Variants in PLCH1 observed in about 807,000 individuals in gnomAD.
PLCH1 encodes phospholipase C eta 1.
In PLCH1, 60 loss-of-function variants were observed where a neutral mutation model predicts 126.7. The observed-to-expected ratio is 0.47, with a 90% CI of 0.38 to 0.59. The LOEUF (loss-of-function observed/expected upper bound fraction) is 0.59, where lower values mean the gene tolerates loss of function less well. Ranked by LOEUF, PLCH1 falls within the 20% of genes least tolerant of loss-of-function variation. The probability of loss-of-function intolerance (pLI) is 0.00; values close to 1 mark genes in which losing one functional copy is unlikely to be tolerated. For missense variants in PLCH1, 1,723 were observed against 2,040.0 expected (o/e 0.84, Z 2.99); for synonymous variants, 719 against 734.9 (o/e 0.98, Z 0.35).
At chr3:155,519,859 A>G (rs1432625806) in intron 11 of PLCH1, among the ~76,000 whole-genome samples, 1 of 150,674 alleles carries the variant, frequency 6.6e-6, no homozygotes, top group African/African-American at 2.4e-5. Context: ...TCCTTTGGCT[A>G]AAGTCCAAAG....
chr3:155,700,967 T>C (rs1188053349), intron 2 of PLCH1, among the ~76,000 whole-genome samples: 2 of 152,206 alleles, frequency 1.3e-5, no homozygotes, highest in African/African-American at 2.4e-5. Context: ...GCTTCTCTGA[T>C]AGGTGCAAAT....
intron 10 of PLCH1, among the ~76,000 whole-genome samples, chr3:155,547,586 C>A (rs1374768628): frequency 1.3e-5 from 2 of 152,044 alleles, no homozygotes; most frequent in Non-Finnish European, 2.9e-5. Context: ...AAGACACATG[C>A]ACATGTATGT....
At chr3:155,568,189 C>T (rs1168309675) in intron 7 of PLCH1, 42 bp downstream of exon 7, 1 of 878,242 alleles carries the variant, frequency 1.1e-6, no homozygotes, top group Admixed American at 2.0e-5. Flanking sequence ...ACTTAACAGG[C>T]TGAATCAAGA....
At position 155,481,354 on chromosome 3, in the gene PLCH1, C is replaced by T. The variant is rs1230871271; in HGVS notation, c.4672G>A (p.Asp1558Asn). 1.2e-6 allele frequency: 2 copies of T among 1,614,226 alleles called. No homozygotes were observed. Among genetic ancestry groups the T allele is most frequent in the Non-Finnish European group, 1.7e-6 (2 of 1,180,046 alleles). Reference protein sequence around the residue: ...DNCQVLYSKQDANQLPRALVR... With the variant: ...DNCQVLYSKQNANQLPRALVR... ...AGTGCCCGGGGGAGCTGATTGGCAT[C>T]CTGCTTTGAATATAGCACTTGGCAG... Residue 1558 changes from aspartate (D) to asparagine (N), a missense_variant, in exon 23 of 23, where the codon GAT (aspartate) becomes AAT (asparagine). Coordinates refer to ENST00000460012, the MANE Select transcript of PLCH1 (RefSeq NM_014996.4). This position sits in a 1 kb window ranked among gnomAD's most constrained non-coding sequence, Gnocchi z 4.2.
intron 2 of PLCH1, among the ~76,000 whole-genome samples, chr3:155,678,325 G>A (rs965739666): frequency 5.3e-5 from 8 of 152,166 alleles, no homozygotes; most frequent in Non-Finnish European, 7.3e-5. Flanking sequence ...CTGGGGCACC[G>A]TTGAGGGCCA....
At chr3:155,611,279 C>A (rs989231307) in intron 2 of PLCH1, among the ~76,000 whole-genome samples, 2 of 152,040 alleles carry the variant, frequency 1.3e-5, no homozygotes, top group African/African-American at 4.8e-5. Flanking sequence ...ATCCCAGCTA[C>A]TCAGGAGGCT....
intron 2 of PLCH1, among the ~76,000 whole-genome samples, chr3:155,632,999 A>G (rs1024469260): frequency 6.6e-6 from 1 of 152,132 alleles, no homozygotes; most frequent in Non-Finnish European, 1.5e-5. Context: ...TCAGTGGTTG[A>G]CCATAACGTA....
At chr3:155,636,592 C>CA (rs964432453) in intron 2 of PLCH1, among the ~76,000 whole-genome samples, 1 of 151,734 alleles carries the variant, frequency 6.6e-6, no homozygotes, top group East Asian at 1.9e-4. Flanking sequence ...ACTAAAAATA[C>CA]AAAAAAATAG....
intron 9 of PLCH1, among the ~76,000 whole-genome samples, chr3:155,553,585 G>A (rs562698877): frequency 6.6e-6 from 1 of 152,274 alleles, no homozygotes; most frequent in African/African-American, 2.4e-5. Context: ...GAGAAGCAAC[G>A]AGAGCAATGG....
intron 1 of PLCH1, among the ~76,000 whole-genome samples, chr3:155,734,854 A>G (rs971428293): frequency 2.8e-4 from 42 of 151,748 alleles, no homozygotes; most frequent in Middle Eastern, 3.4e-3. Flanking sequence ...GACTACAGGC[A>G]CCCGCCACCA....
chr3:155,512,791 G>A (rs1438455935), intron 12 of PLCH1, among the ~76,000 whole-genome samples: 5 of 152,200 alleles, frequency 3.3e-5, no homozygotes, highest in Admixed American at 3.3e-4. Flanking sequence ...GAGGAGCCCT[G>A]AGATGGTTGA....
intron 1 of PLCH1, among the ~76,000 whole-genome samples, chr3:155,716,259 T>C (rs1747496898): frequency 6.6e-6 from 1 of 152,210 alleles, no homozygotes; most frequent in Admixed American, 6.5e-5. Flanking sequence ...GATGACATAG[T>C]TTGAGGTCAC....
intron 6 of PLCH1, among the ~76,000 whole-genome samples, chr3:155,582,819 A>T (rs1477676054): frequency 6.6e-6 from 1 of 152,138 alleles, no homozygotes; most frequent in Non-Finnish European, 1.5e-5. Context: ...GACTTTGAGG[A>T]GATATTTAAA....
At chr3:155,739,699 C>A (rs1257902215) in intron 1 of PLCH1, among the ~76,000 whole-genome samples, 1 of 152,186 alleles carries the variant, frequency 6.6e-6, no homozygotes, top group African/African-American at 2.4e-5. Flanking sequence ...TAGGATGTAA[C>A]AGAACATGGA....
intron 1 of PLCH1, among the ~76,000 whole-genome samples, chr3:155,728,629 GA>G (rs1018401269): frequency 9.9e-5 from 15 of 152,276 alleles, no homozygotes; most frequent in African/African-American, 2.9e-4. Context: ...CAGAGGGAGA[GA>G]GAGAGAAAGA....
rs111677395 is a variant in PLCH1 at position 155,465,434 on chromosome 3, G to A, written c.2938+19922C>T. On this transcript the variant is annotated intron_variant, in intron 21 of 21. Coordinates refer to the PLCH1 transcript ENST00000494598. Reference sequence around the variant, plus strand: ...AGGACCAGTACCAGCAGCATTCATCGCCTGCTAACTGAAGAGTACTTGGAC... The same window carrying A: ...AGGACCAGTACCAGCAGCATTCATCACCTGCTAACTGAAGAGTACTTGGAC... Among the ~76,000 whole-genome samples the A allele has an allele frequency of 6.4e-4, 97 of 151,914 alleles. 1 individual carries two copies. Among genetic ancestry groups the A allele is most frequent in the African/African-American group, 2.2e-3 (92 of 41,398 alleles).
intron 2 of PLCH1, among the ~76,000 whole-genome samples, chr3:155,621,832 C>T (rs1736553804): frequency 6.6e-6 from 1 of 152,162 alleles, no homozygotes; most frequent in Non-Finnish European, 1.5e-5. Context: ...AGTTGGAAAA[C>T]AATCCTCAGG....
chr3:155,576,043 G>A (rs1433069588), intron 6 of PLCH1, among the ~76,000 whole-genome samples: 2 of 152,024 alleles, frequency 1.3e-5, no homozygotes, highest in Non-Finnish European at 2.9e-5. Context: ...AAGAACATAG[G>A]GGCTTGCTAA....
chr3:155,586,722 G>A (rs753651557), intron 4 of PLCH1, among the ~76,000 whole-genome samples: 1 of 151,958 alleles, frequency 6.6e-6, no homozygotes, highest in Non-Finnish European at 1.5e-5. Flanking sequence ...AGGGGCGGGG[G>A]GTGGTTCCCT....
Sources: gnomAD v4.1 joint callset for allele counts (sites outside exome capture counted in the v4.1 genomes callset) on GRCh38, gnomAD v4.1.1 for gene constraint, Gnocchi (gnomAD v3.1) non-coding constraint, MANE v1.5 for transcripts, NCBI Gene and HGNC (gene_info 2026-07-23, HGNC 2026-07-21) for gene names.